UBR1: variants seen among roughly 807,000 people sequenced by gnomAD.
UBR1 encodes the protein ubiquitin protein ligase E3 component n-recognin 1, also known as E3 ubiquitin-protein ligase UBR1.
A neutral mutation model predicts 242.1 loss-of-function variants in UBR1; 102 were observed. That is an observed-to-expected ratio of 0.42 (90% CI 0.36 to 0.50). The LOEUF (loss-of-function observed/expected upper bound fraction) is 0.50. Among genes scored for constraint, UBR1 ranks in the 20% least tolerant of loss-of-function variants. The probability of loss-of-function intolerance (pLI) is 0.01; values close to 1 mark genes in which losing one functional copy is unlikely to be tolerated. For missense variants in UBR1, 1,772 were observed against 2,101.8 expected (o/e 0.84, Z 3.07); for synonymous variants, 675 against 684.8 (o/e 0.99, Z 0.22).
intron 7 of UBR1, 109 bp downstream of exon 7, chr15:43,059,943 G>A: frequency 1.3e-6 from 2 of 1,545,388 alleles, no homozygotes; most frequent in East Asian, 2.2e-5. Context: ...TCTGCATCTA[G>A]GTGCCCCAAA....
chr15:43,074,882 A>C, intron 4 of UBR1, 97 bp downstream of exon 4: 4 of 1,011,156 alleles, frequency 4.0e-6, no homozygotes, highest in South Asian at 1.3e-5. Flanking sequence ...TAAAAACAGC[A>C]GGGTTCTAAC....
intron 1 of UBR1, among the ~76,000 whole-genome samples, chr15:43,100,152 G>T (rs187229633): frequency 7.9e-5 from 12 of 152,258 alleles, no homozygotes; most frequent in African/African-American, 2.2e-4. Context: ...TGGGATTACA[G>T]GCATGAGCCA....
intron 26 of UBR1, among the ~76,000 whole-genome samples, chr15:43,022,042 A>C (rs964807031): frequency 1.3e-5 from 2 of 152,152 alleles, no homozygotes; most frequent in African/African-American, 4.8e-5. Context: ...AAAGTGCTTA[A>C]TGAGAAACAA....
At chr15:43,060,202 T>C in intron 6 of UBR1, 88 bp from the exon 7 acceptor site, 1 of 1,212,570 alleles carries the variant, frequency 8.2e-7, no homozygotes, top group Non-Finnish European at 1.2e-6. Flanking sequence ...AATGAGCTCT[T>C]AACTGAGCTC....
chr15:43,103,867 G>C (rs935774042), intron 1 of UBR1, among the ~76,000 whole-genome samples: 6 of 152,126 alleles, frequency 3.9e-5, no homozygotes, highest in African/African-American at 1.4e-4. Context: ...TAGTAAACTT[G>C]GAAGCCAGTG....
At chr15:42,999,308 C>T (rs2032688192) in intron 32 of UBR1, among the ~76,000 whole-genome samples, 1 of 152,162 alleles carries the variant, frequency 6.6e-6, no homozygotes, top group African/African-American at 2.4e-5. Flanking sequence ...GATTATTCCT[C>T]ACTTTATTCA....
chr15:42,963,526 C>T (rs1374029197), intron 42 of UBR1, among the ~76,000 whole-genome samples: 2 of 152,028 alleles, frequency 1.3e-5, no homozygotes, highest in African/African-American at 4.8e-5. Context: ...TTTTGATCTA[C>T]CAAATGACCT....
intron 4 of UBR1, among the ~76,000 whole-genome samples, chr15:43,074,370 C>G (rs530206268): frequency 6.6e-6 from 1 of 152,188 alleles, no homozygotes; most frequent in African/African-American, 2.4e-5. Flanking sequence ...TTCTAATTCA[C>G]TATATGCTAC....
chr15:43,095,655 C>T (rs931073989), intron 1 of UBR1, among the ~76,000 whole-genome samples: 2 of 151,854 alleles, frequency 1.3e-5, no homozygotes, highest in African/African-American at 2.4e-5. Context: ...AACATGTAGG[C>T]GGTCATAGTA....
chr15:43,007,089 T>C lies in UBR1; in HGVS notation c.3405A>G (p.Glu1135=), dbSNP rs760546085. Residue 1135 remains glutamate, a synonymous_variant, in exon 30 of 47, where the codon GAA becomes GAG. Transcript: ENST00000290650. ...TTAAATAATACATACCTCCTGAGAGTTCTATGGGTTTTCCCCTGTGCTGGG... is the reference window on the plus strand; with the variant it reads ...TTAAATAATACATACCTCCTGAGAGCTCTATGGGTTTTCCCCTGTGCTGGG... ...ALTQHRGKPI[E]LSGEALDPLF... 3 of 1,613,886 alleles carry C rather than the reference T, an allele frequency of 1.9e-6. No homozygotes were observed. The highest frequency in any genetic ancestry group is 2.5e-6 in the Non-Finnish European group (3 of 1,179,992).
chr15:42,988,269 A>ATGTGTGTG (rs112501912), intron 35 of UBR1, among the ~76,000 whole-genome samples: 12 of 147,888 alleles, frequency 8.1e-5, no homozygotes, highest in African/African-American at 2.2e-4. Flanking sequence ...AAAGGAATAT[A>ATGTGTGTG]TGTGTGTGTG....
intron 1 of UBR1, among the ~76,000 whole-genome samples, chr15:43,088,744 G>A (rs987946432): frequency 6.6e-6 from 1 of 151,980 alleles, no homozygotes; most frequent in Non-Finnish European, 1.5e-5. Context: ...ACAGAGGGAA[G>A]GAGCTGGGGA....
chr15:42,962,032 C>T (rs757240028), intron 42 of UBR1, among the ~76,000 whole-genome samples: 1 of 151,810 alleles, frequency 6.6e-6, no homozygotes, highest in Non-Finnish European at 1.5e-5. Flanking sequence ...CAGGTGTGAG[C>T]CACCGCACCC....
Position 42,958,275 on chromosome 15 carries a change from G to T in UBR1, c.4758-185C>A, listed in dbSNP as rs569773480. 6.6e-5 allele frequency among the ~76,000 whole-genome samples: 10 copies of T among 152,278 alleles called. No homozygotes were observed. The East Asian group carries it at 1.9e-3, about 29-fold the overall frequency. ...GCCTATAATTCCAAATCTTTCATCA[G>T]CTGGATTCCTTTCCAAACTTAACTT... is the stretch of plus-strand genomic sequence containing the variant. On this transcript the variant is annotated intron_variant, in intron 43 of 46. Transcript: ENST00000290650.
At chr15:43,048,842 G>A (rs973964668) in intron 12 of UBR1, among the ~76,000 whole-genome samples, 2 of 152,106 alleles carry the variant, frequency 1.3e-5, no homozygotes. Flanking sequence ...TCAGCCAAAG[G>A]GCCAGCTGAA....
chr15:42,958,188 G>GA, intron 43 of UBR1, 98 bp from the exon 44 acceptor site: 1 of 700,820 alleles, frequency 1.4e-6, no homozygotes, highest in Non-Finnish European at 2.4e-6. Flanking sequence ...AATAACAAAA[G>GA]GATCTACACT....
Position 43,000,269 on chromosome 15 carries a change from T to C in UBR1, c.3660-2004A>G, listed in dbSNP as rs2032703278. ...ATCCTGAGTAACAGAATTGTTACTA[T>C]AGATTAAAAGTGTGCCAGAGTTCTA... On this transcript the variant is annotated intron_variant, in intron 32 of 46. Coordinates refer to ENST00000290650, the MANE Select transcript of UBR1 (RefSeq NM_174916.3). Among the ~76,000 whole-genome samples, 5 of 152,340 alleles carry C rather than the reference T, an allele frequency of 3.3e-5. No homozygotes were observed. The South Asian group carries it at 1.0e-3, about 32-fold the overall frequency.
At chr15:43,008,476 A>C (rs899205815) in intron 29 of UBR1, among the ~76,000 whole-genome samples, 2 of 152,268 alleles carry the variant, frequency 1.3e-5, no homozygotes, top group South Asian at 2.1e-4. Context: ...GCATGGAAGG[A>C]AGGCCAAGAG....
Position 43,058,424 on chromosome 15 carries a change from G to C in UBR1, c.1099C>G (p.Arg367Gly). The part of the protein sequence containing the change: ...LWDAKLYKGA[R>G]KILHELIFSS... ...AAGATCAATTCATGAAGGATCTTAC[G>C]GGCACCTATAGATTATTTTGGGGAG... The change falls in exon 10 of 47, where the codon CGT becomes GGT. Residue 367 changes from arginine (R) to glycine (G), a missense_variant. Physicochemically the swap from Arg to Gly is moderately radical, Grantham distance 125. Around this residue, in one of 3 missense-constraint regions of UBR1, gnomAD observed 734 missense variants for 893.3 expected, o/e 0.82. Transcript: ENST00000290650. 1 of 1,610,042 alleles carries C rather than the reference G, an allele frequency of 6.2e-7. No individual in the cohort carries two copies.
Sources: allele counts gnomAD v4.1 joint callset (sites outside exome capture counted in the v4.1 genomes callset), GRCh38; gene constraint gnomAD v4.1.1; regional missense constraint gnomAD v4.1.1; transcripts MANE v1.5; gene names NCBI Gene and HGNC (gene_info 2026-07-23, HGNC 2026-07-21).